Variants in DCC observed in about 807,000 individuals in gnomAD.
The protein encoded by DCC is DCC netrin 1 receptor.
A neutral mutation model predicts 172.5 loss-of-function variants in DCC; 58 were observed. The ratio of observed to expected loss-of-function variants is 0.34; its 90% CI spans 0.27 to 0.42. The LOEUF is 0.42. Among genes scored for constraint, DCC ranks in the 10% least tolerant of loss-of-function variants. DCC has a pLI of 1.00. For missense variants in DCC, 1,740 were observed against 1,791.0 expected (o/e 0.97, Z 0.51); for synonymous variants, 709 against 644.5 (o/e 1.10, Z -1.52).
intron 13 of DCC, among the ~76,000 whole-genome samples, chr18:53,307,927 ATATATATATATATATATATATATG>A: frequency 9.5e-6 from 1 of 105,116 alleles, no homozygotes; most frequent in Non-Finnish European, 1.8e-5. Context: ...ATATATATAT[ATATATATATATATATATATATATG>A]TATTTTATAC....
chr18:52,666,380 G>A (rs1025871363), intron 1 of DCC, among the ~76,000 whole-genome samples: 2 of 152,144 alleles, frequency 1.3e-5, no homozygotes, highest in African/African-American at 4.8e-5. Flanking sequence ...AACCTACTAT[G>A]TACTTAAGGG....
intron 21 of DCC, among the ~76,000 whole-genome samples, chr18:53,430,031 C>T (rs377657417): frequency 2.0e-5 from 3 of 152,074 alleles, no homozygotes; most frequent in East Asian, 3.9e-4. Flanking sequence ...ACATTTCAGC[C>T]TCTGACAAAT....
chr18:53,128,866 CACACAT>C (rs1388175367), intron 7 of DCC, among the ~76,000 whole-genome samples: 46 of 86,898 alleles, frequency 5.3e-4, no homozygotes, highest in East Asian at 2.9e-3. Flanking sequence ...CACACACACA[CACACAT>C]ATATATATAT....
intron 1 of DCC, among the ~76,000 whole-genome samples, chr18:52,670,717 G>C (rs1375336347): frequency 2.0e-5 from 3 of 152,084 alleles, no homozygotes; most frequent in Admixed American, 1.3e-4. Flanking sequence ...AAGGGTGCCT[G>C]TAATTCCATC....
intron 12 of DCC, among the ~76,000 whole-genome samples, chr18:53,284,885 G>A (rs1349309255): frequency 1.3e-5 from 2 of 152,170 alleles, no homozygotes; most frequent in Admixed American, 1.3e-4. Context: ...CTGGATCAAA[G>A]GTGACTCTTG....
intron 3 of DCC, among the ~76,000 whole-genome samples, chr18:52,915,701 A>G (rs761252266): frequency 6.6e-6 from 1 of 152,110 alleles, no homozygotes; most frequent in African/African-American, 2.4e-5. Context: ...ATTTTGCACT[A>G]TCTTCTCAAA....
At chr18:53,513,590 A>G (rs2046289447) in intron 27 of DCC, among the ~76,000 whole-genome samples, 1 of 152,228 alleles carries the variant, frequency 6.6e-6, no homozygotes, top group African/African-American at 2.4e-5. Context: ...AGAGACACAC[A>G]TAGGCTCAAA....
At chr18:52,537,568 G>C (rs1441904055) in intron 1 of DCC, among the ~76,000 whole-genome samples, 1 of 152,028 alleles carries the variant, frequency 6.6e-6, no homozygotes, top group East Asian at 1.9e-4. Context: ...CAGTCTAGGG[G>C]AGGCAGCTAC....
At chr18:52,386,060 G>C (rs1049403085) in intron 1 of DCC, among the ~76,000 whole-genome samples, 1 of 151,986 alleles carries the variant, frequency 6.6e-6, no homozygotes, top group African/African-American at 2.4e-5. Context: ...AAACCTTTAG[G>C]TTGTTTCTAG....
At chr18:53,363,100 C>T (rs1028920651) in intron 15 of DCC, among the ~76,000 whole-genome samples, 18 of 152,046 alleles carry the variant, frequency 1.2e-4, no homozygotes, top group African/African-American at 4.1e-4. Flanking sequence ...GTACCAAATC[C>T]CTTAGCTAGT....
chr18:52,701,215 G>A (rs907917022), intron 1 of DCC, among the ~76,000 whole-genome samples: 5 of 152,158 alleles, frequency 3.3e-5, no homozygotes, highest in African/African-American at 1.2e-4. Flanking sequence ...AATATAGTTA[G>A]AAATTTCTTT....
intron 1 of DCC, among the ~76,000 whole-genome samples, chr18:52,553,313 A>C (rs921101222): frequency 2.0e-5 from 3 of 151,984 alleles, no homozygotes; most frequent in Non-Finnish European, 4.4e-5. Context: ...ACTTTTTCCT[A>C]TCTGTGTTTC....
At chr18:53,225,579 C>T (rs185793192) in intron 12 of DCC, among the ~76,000 whole-genome samples, 20 of 151,842 alleles carry the variant, frequency 1.3e-4, no homozygotes, top group Non-Finnish European at 2.1e-4. Flanking sequence ...GCTGCAGAGA[C>T]GATAAGTGTA....
intron 1 of DCC, among the ~76,000 whole-genome samples, chr18:52,624,929 A>G (rs1489284201): frequency 6.6e-6 from 1 of 152,186 alleles, no homozygotes; most frequent in African/African-American, 2.4e-5. Context: ...ATTATGAGAA[A>G]TGTGGCATTA....
chr18:53,282,392 C>G (rs766689211), intron 12 of DCC, among the ~76,000 whole-genome samples: 36 of 151,986 alleles, frequency 2.4e-4, no homozygotes, highest in Non-Finnish European at 3.8e-4. Context: ...ATCTTCCTTC[C>G]CCAAGATTAG....
At chr18:52,608,928 C>T (rs79519509) in intron 1 of DCC, among the ~76,000 whole-genome samples, 3,170 of 152,186 alleles carry the variant, frequency 0.021, 46 homozygotes, top group African/African-American at 0.035. Flanking sequence ...GACAATTGTC[C>T]GTATTTTCTC....
chr18:52,829,612 C>A (rs9961242), intron 2 of DCC, among the ~76,000 whole-genome samples: 6 of 151,580 alleles, frequency 4.0e-5, no homozygotes, highest in African/African-American at 1.5e-4. Flanking sequence ...CTACTCAGAC[C>A]TCAAGAAGTG....
rs558378510 is a variant in DCC, at chr18:53,419,957, G to A, written c.3163+3801G>A. On this transcript the variant is annotated intron_variant, in intron 21 of 28. Coordinates refer to ENST00000442544, the MANE Select transcript of DCC (RefSeq NM_005215.4). ...CAACCTCTGCCTCCCAGGTTCAAGC[G>A]ATTCTCCTGCCTCAGCCTCCTGAGT... 4.6e-5 allele frequency among the ~76,000 whole-genome samples: 7 copies of A among 152,060 alleles called. No homozygotes were observed. The South Asian group carries it at 1.0e-3, about 23-fold the overall frequency.
At chr18:52,854,745 G>C (rs2039025878) in intron 2 of DCC, among the ~76,000 whole-genome samples, 1 of 152,182 alleles carries the variant, frequency 6.6e-6, no homozygotes, top group Admixed American at 6.5e-5. Context: ...ATCACAGAAA[G>C]CCCGCCAGCA....
Sources: allele counts gnomAD v4.1 joint callset (sites outside exome capture counted in the v4.1 genomes callset), GRCh38; gene constraint gnomAD v4.1.1; transcripts MANE v1.5; gene names NCBI Gene and HGNC (gene_info 2026-07-23, HGNC 2026-07-21).